The following PGAP2 variants were observed in gnomAD, a reference collection of about 807,000 sequenced individuals.
The protein encoded by PGAP2 is post-GPI attachment to proteins 2, also known as acyltransferase PGAP2.
A neutral mutation model predicts 33.2 loss-of-function variants in PGAP2; 21 were observed. The ratio of observed to expected loss-of-function variants is 0.63; its 90% CI spans 0.45 to 0.91. PGAP2 has a LOEUF of 0.91. Among genes scored for constraint, PGAP2 ranks in the 40% least tolerant of loss-of-function variants. PGAP2 has a pLI of 0.00. For synonymous variants in PGAP2, 161 were observed against 172.9 expected (o/e 0.93, Z 0.54); for missense variants, 345 against 424.0 (o/e 0.81, Z 1.64).
chr11:3,802,890 C>T (rs751551833), intron 1 of PGAP2, among the ~76,000 whole-genome samples: 1 of 149,540 alleles, frequency 6.7e-6, no homozygotes, highest in Admixed American at 6.7e-5. Flanking sequence ...GCAGTGGCAC[C>T]ATCTCGGCTC....
rs2085564748 is a variant in PGAP2 at position 3,811,517 on chromosome 11, A to G, written c.165+93A>G. ...TTTTAACAAGATTAGCCAGCTCTCC[A>G]CTGGGGCCCATCAAACATACGGGGC... On this transcript the variant is annotated intron_variant, in intron 2 of 6. Transcript: ENST00000278243. The surrounding 1 kb of genome is among the most constrained non-coding windows in gnomAD (Gnocchi z 4.6). The G allele has an allele frequency of 8.2e-6, 10 of 1,224,922 alleles. No homozygotes were observed. Among genetic ancestry groups the G allele is most frequent in the Non-Finnish European group, 1.0e-5 (9 of 887,726 alleles). The allele number at this position is 1,224,922 out of a possible 1,614,324, so 75.9% of individuals were successfully genotyped here.
At chr11:3,806,443 C>T (rs1214653561), upstream of PGAP2, among the ~76,000 whole-genome samples, 1 of 152,188 alleles carries the variant, frequency 6.6e-6, no homozygotes, top group Admixed American at 6.5e-5. Context: ...TGCGCACCTT[C>T]TCCAGACTTC....
chr11:3,818,052 C>CA, intron 3 of PGAP2: 11 of 131,992 alleles, frequency 8.3e-5, no homozygotes, highest in East Asian at 3.5e-4. Flanking sequence ...GTCTCAAAAA[C>CA]AAAACAAAAT....
intron 5 of PGAP2, 69 bp from the exon 6 acceptor site, chr11:3,824,951 G>C (rs959099223): frequency 6.2e-7 from 1 of 1,604,260 alleles, no homozygotes; most frequent in Non-Finnish European, 8.5e-7. Flanking sequence ...TTAGGAGTTA[G>C]GGCTGAGAGG....
chr11:3,822,920 C>CA, intron 3 of PGAP2: 1 of 1,523,344 alleles, frequency 6.6e-7, no homozygotes, highest in Non-Finnish European at 8.9e-7. Context: ...ACTGAAGCTT[C>CA]AATAGGAGTT....
chr11:3,808,731 C>G, intron 1 of PGAP2, 80 bp downstream of exon 1: 1 of 709,020 alleles, frequency 1.4e-6, no homozygotes, highest in Non-Finnish European at 1.8e-6. Context: ...CTCTGCAGGG[C>G]CGGGCCCCAC....
In PGAP2 at chr11:3,808,723, C is replaced by T. The variant is rs534324613; in HGVS notation, c.-11+72C>T. ...GGAGCTTGGCCGCGCGGTCTGGCCT[C>T]TGCAGGGCCGGGCCCCACGCTGTGG... is the stretch of plus-strand genomic sequence containing the variant. On this transcript the variant is annotated intron_variant, in intron 1 of 6. Transcript: ENST00000278243. 9.3e-4 allele frequency: 767 copies of T among 826,396 alleles called. 4 individuals carry two copies. In the African/African-American group the frequency reaches 0.013, roughly 14 times the overall value. 51.2% of individuals were successfully genotyped at this position (826,396 alleles called of 1,614,324 possible).
Position 3,823,601 on chromosome 11 carries a change from G to T in PGAP2, c.349-282G>T, listed in dbSNP as rs1474259936. The stretch of plus-strand genomic sequence containing the variant: ...GAGCATCTGAACCCATCTACACATT[G>T]ACCAAACACAGGCAGGTTCCAGTCT... On this transcript the variant is annotated intron_variant, in intron 3 of 6. Transcript: ENST00000278243. 4 of 1,535,986 alleles carry T rather than the reference G, an allele frequency of 2.6e-6. No individual in the cohort carries two copies. In the South Asian group the frequency reaches 3.6e-5, roughly 14 times the overall value.
At chr11:3,799,664 T>G (rs2083171919) in intron 1 of PGAP2, among the ~76,000 whole-genome samples, 1 of 152,104 alleles carries the variant, frequency 6.6e-6, no homozygotes, top group Non-Finnish European at 1.5e-5. Context: ...ATAATTGATT[T>G]ATTTGTTTGT....
chr11:3,816,107 G>C (rs1306566244), intron 2 of PGAP2: 1 of 152,702 alleles, frequency 6.5e-6, no homozygotes, highest in Non-Finnish European at 1.5e-5. Flanking sequence ...ATCCTGGGAA[G>C]GATGTGTGCC....
At chr11:3,822,914 A>T in intron 3 of PGAP2, 1 of 1,519,000 alleles carries the variant, frequency 6.6e-7, no homozygotes, top group Non-Finnish European at 8.9e-7. Flanking sequence ...TTAAGGACTG[A>T]AGCTTCAATA....
At chr11:3,797,913 T>C in exon 1 of PGAP2, 1 of 1,548,040 alleles carries the variant, frequency 6.5e-7, no homozygotes, top group Non-Finnish European at 8.7e-7. Flanking sequence ...CTCCGCCCCC[T>C]TCCTTGGAGC....
At chr11:3,800,857 G>T (rs535713168) in intron 1 of PGAP2, among the ~76,000 whole-genome samples, 1 of 151,856 alleles carries the variant, frequency 6.6e-6, no homozygotes, top group South Asian at 2.1e-4. Context: ...TTCCTGCCGG[G>T]AATGGTGGCT....
In PGAP2 at chr11:3,824,179, G is replaced by A. The variant is rs751928989; in HGVS notation, c.601+44G>A. Reference sequence around the variant, plus strand: ...GAGGAGTGGGGAAGTGTTCCCTGAGGGGACGGGCCTGCCCCTACCACATTC... The same window carrying A: ...GAGGAGTGGGGAAGTGTTCCCTGAGAGGACGGGCCTGCCCCTACCACATTC... On this transcript the variant is annotated intron_variant, in intron 4 of 6. Coordinates refer to ENST00000278243, the MANE Select transcript of PGAP2 (RefSeq NM_014489.4). 3.7e-6 allele frequency: 6 copies of A among 1,613,004 alleles called. No homozygotes were observed. The South Asian group carries it at 6.6e-5, about 18-fold the overall frequency.
chr11:3,808,469 G>C (rs1190544684), upstream of PGAP2: 1 of 1,471,156 alleles, frequency 6.8e-7, no homozygotes. Context: ...CCAGGGGTCG[G>C]GGTCTCCAGA....
chr11:3,824,845 G>T (rs2089720318), intron 5 of PGAP2, 175 bp from the exon 6 acceptor site: 1 of 1,441,492 alleles, frequency 6.9e-7, no homozygotes, highest in African/African-American at 1.4e-5. Flanking sequence ...TCCCCCAGAG[G>T]CAGGGACGTG....
At chr11:3,825,259 T>C (rs2135094666) in intron 6 of PGAP2, 69 bp from the exon 7 acceptor site, 1 of 1,580,664 alleles carries the variant, frequency 6.3e-7, no homozygotes, top group Non-Finnish European at 8.7e-7. Flanking sequence ...GGTGGTGTGA[T>C]TTATCAAGAG....
chr11:3,824,775 T>A, intron 5 of PGAP2: 1 of 1,429,218 alleles, frequency 7.0e-7, no homozygotes, highest in Non-Finnish European at 9.1e-7. Context: ...CATGTAACTT[T>A]CATACTCCAT....
At chr11:3,797,818 C>A (rs751660056), upstream of PGAP2, 949 of 1,548,866 alleles carry the variant, frequency 6.1e-4, 11 homozygotes, top group Non-Finnish European at 1.1e-4. Flanking sequence ...TGACGTCACA[C>A]AGGGCCTCTC....
Sources: gnomAD v4.1 joint callset for allele counts (sites outside exome capture counted in the v4.1 genomes callset) on GRCh38, gnomAD v4.1.1 for gene constraint, Gnocchi (gnomAD v3.1) non-coding constraint, MANE v1.5 for transcripts, NCBI Gene and HGNC (gene_info 2026-07-23, HGNC 2026-07-21) for gene names.